USP6: variants seen among roughly 807,000 people sequenced by gnomAD.
The protein encoded by USP6 is ubiquitin specific peptidase 6.
Under a neutral mutation model 175.7 loss-of-function variants are expected in USP6, and 128 were observed. The ratio of observed to expected loss-of-function variants is 0.73; its 90% CI spans 0.63 to 0.84. The LOEUF (loss-of-function observed/expected upper bound fraction) is 0.84. Among genes scored for constraint, USP6 ranks in the 40% least tolerant of loss-of-function variants. The pLI is 0.00. For missense variants in USP6, 1,498 were observed against 1,760.3 expected (o/e 0.85, Z 2.67); for synonymous variants, 562 against 630.6 (o/e 0.89, Z 1.63).
In USP6 at chr17:5,173,001, C is replaced by T. The variant is rs776811066; in HGVS notation, c.*23C>T. On this transcript the variant is annotated 3_prime_UTR_variant, in exon 38 of 38. Coordinates refer to ENST00000574788, the MANE Select transcript of USP6 (RefSeq NM_001304284.2). Reference sequence around the variant, plus strand: ...TAAAGCTACCACTCTGGCTGCTAGACAGCTTGGTGGCGAGGGAGATGACTC... The same window carrying T: ...TAAAGCTACCACTCTGGCTGCTAGATAGCTTGGTGGCGAGGGAGATGACTC... The T allele has an allele frequency of 1.5e-5, 24 of 1,609,864 alleles. 1 individual carries two copies. Among genetic ancestry groups the T allele is most frequent in the African/African-American group, 6.7e-5 (5 of 74,868 alleles).
intron 4 of USP6, among the ~76,000 whole-genome samples, chr17:5,122,695 C>T (rs2072725817): frequency 6.6e-6 from 1 of 152,164 alleles, no homozygotes; most frequent in Non-Finnish European, 1.5e-5. Context: ...AGCAGCTGCC[C>T]GCGCCTAAGC....
At chr17:5,171,740 T>G in intron 37 of USP6, 61 bp downstream of exon 37, 2 of 1,530,410 alleles carry the variant, frequency 1.3e-6, no homozygotes, top group Non-Finnish European at 1.8e-6. Context: ...GAACATTTGT[T>G]GAAATAATGG....
chr17:5,171,355 ATAATAG>A (rs1345580004), intron 36 of USP6, among the ~76,000 whole-genome samples: 1 of 152,258 alleles, frequency 6.6e-6, no homozygotes, highest in African/African-American at 2.4e-5. Context: ...AATAATAATA[ATAATAG>A]TAATTACAAT....
chr17:5,117,202 AC>A (rs2072556997), intron 1 of USP6, among the ~76,000 whole-genome samples: 2 of 152,122 alleles, frequency 1.3e-5, no homozygotes, highest in Admixed American at 1.3e-4. Context: ...GCTTTGTAGC[AC>A]CCGCTGCTTA....
chr17:5,173,501 T>C lies in USP6; in HGVS notation c.*523T>C, dbSNP rs1396078205. The C allele has an allele frequency of 4.5e-6, 1 of 220,300 alleles. No individual in the cohort carries two copies. Among genetic ancestry groups the C allele is most frequent in the Non-Finnish European group, 9.1e-6 (1 of 109,698 alleles). The allele number at this position is 220,300 out of a possible 1,614,324, so 13.6% of individuals were successfully genotyped here. Reference sequence around the variant, plus strand: ...GCATGGACAAGGATTTTTCAATTTATTTTTTAAACTGTTTCCATACCCTTT... The same window carrying C: ...GCATGGACAAGGATTTTTCAATTTACTTTTTAAACTGTTTCCATACCCTTT... On this transcript the variant is annotated 3_prime_UTR_variant, in exon 38 of 38. Coordinates refer to ENST00000574788, the MANE Select transcript of USP6 (RefSeq NM_001304284.2).
rs111629611 is a variant in USP6 at position 5,125,573 on chromosome 17, T to C, written c.-591-248T>C. On this transcript the variant is annotated intron_variant, in intron 5 of 37. Transcript: ENST00000574788. Reference sequence around the variant, plus strand: ...CTCTCTTGCTGTGGTCCAAGGAATCTTAGGCATTCTATCAGAAAGACTTAC... The same window carrying C: ...CTCTCTTGCTGTGGTCCAAGGAATCCTAGGCATTCTATCAGAAAGACTTAC... Among the ~76,000 whole-genome samples, 511 of 152,152 alleles carry C rather than the reference T, an allele frequency of 3.4e-3. 4 individuals are homozygous for C. The highest frequency in any genetic ancestry group is 0.012 in the African/African-American group (487 of 41,474).
Position 5,170,495 on chromosome 17 carries a change from A to C in USP6, c.3534A>C (p.Ser1178=). ...SSSPKGSPSS[S]RKSGTSCPSS... ...TGTTCACAGGTTCTCCTTCTTCATC[A>C]AGAAAAAGTGGAACCAGCTGTCCCT... The change falls in exon 36 of 38, where the codon TCA becomes TCC. Residue 1178 remains serine, a synonymous_variant. Transcript: ENST00000574788. The C allele has an allele frequency of 1.9e-6, 3 of 1,609,200 alleles. No individual in the cohort carries two copies. The highest frequency in any genetic ancestry group is 2.5e-6 in the Non-Finnish European group (3 of 1,178,240).
chr17:5,137,045 G>A, intron 18 of USP6, 76 bp from the exon 19 acceptor site: 1 of 1,481,416 alleles, frequency 6.8e-7, no homozygotes, highest in Non-Finnish European at 9.4e-7. Flanking sequence ...TAGGGGAAAG[G>A]TCTTCAGAGG....
chr17:5,127,055 T>C (rs967198434), intron 6 of USP6: 11 of 150,498 alleles, frequency 7.3e-5, no homozygotes, highest in Admixed American at 5.3e-4. Flanking sequence ...GGGGTGGGAA[T>C]GGGGATGGGA....
intron 17 of USP6, 79 bp from the exon 18 acceptor site, chr17:5,136,561 A>G (rs1383416106): frequency 1.9e-6 from 3 of 1,552,054 alleles, no homozygotes; most frequent in South Asian, 1.1e-5. Flanking sequence ...GGGCCTCTGC[A>G]GCTGCCCAGC....
intron 33 of USP6, 28 bp from the exon 34 acceptor site, chr17:5,167,904 C>G: frequency 1.3e-6 from 2 of 1,596,616 alleles, no homozygotes; most frequent in Non-Finnish European, 1.7e-6. Context: ...CCCACACACC[C>G]CTTTCCTCCT....
At chr17:5,122,142 C>T (rs563521822) in intron 4 of USP6, among the ~76,000 whole-genome samples, 2 of 138,814 alleles carry the variant, frequency 1.4e-5, no homozygotes, top group African/African-American at 5.5e-5. Context: ...GAGGGTGGGT[C>T]GGTGGGGTGG....
At chr17:5,123,650 G>A (rs2072784101) in intron 4 of USP6, among the ~76,000 whole-genome samples, 1 of 152,184 alleles carries the variant, frequency 6.6e-6, no homozygotes, top group South Asian at 2.1e-4. Context: ...ACAGGGACCC[G>A]CAGAACGCAT....
At chr17:5,145,758 T>G (rs1230860985) in intron 27 of USP6, among the ~76,000 whole-genome samples, 179 bp downstream of exon 27, 1 of 152,092 alleles carries the variant, frequency 6.6e-6, no homozygotes. Flanking sequence ...TGGGGCATGT[T>G]TTTTTGGTTT....
chr17:5,168,596 T>C (rs1369516593), intron 34 of USP6, among the ~76,000 whole-genome samples, 171 bp from the exon 35 acceptor site: 2 of 152,246 alleles, frequency 1.3e-5, no homozygotes, highest in Admixed American at 1.3e-4. Flanking sequence ...CACTAGGGCC[T>C]GTGTAGAGGC....
chr17:5,142,278 G>A (rs1363804294), intron 24 of USP6, 119 bp from the exon 25 acceptor site: 1 of 1,539,810 alleles, frequency 6.5e-7, no homozygotes, highest in African/African-American at 1.4e-5. Context: ...ATAGGCCAAG[G>A]AATACATCTC....
chr17:5,134,401 G>A (rs1598005409), intron 15 of USP6: 1 of 239,104 alleles, frequency 4.2e-6, no homozygotes. Flanking sequence ...AGGTCTGCTG[G>A]GAACATGACA....
chr17:5,169,399 G>C (rs1221311663), intron 35 of USP6, among the ~76,000 whole-genome samples: 1 of 151,908 alleles, frequency 6.6e-6, no homozygotes, highest in Non-Finnish European at 1.5e-5. Context: ...TCTTTCAGGG[G>C]GTCTAGAGGA....
chr17:5,148,216 C>T (rs3930856), intron 29 of USP6, among the ~76,000 whole-genome samples: 3 of 112,718 alleles, frequency 2.7e-5, no homozygotes, highest in African/African-American at 8.2e-5. Flanking sequence ...GTAGAGGTTA[C>T]TGTATTGGAC....
Sources: allele counts gnomAD v4.1 joint callset (sites outside exome capture counted in the v4.1 genomes callset), GRCh38; gene constraint gnomAD v4.1.1; transcripts MANE v1.5; gene names NCBI Gene and HGNC (gene_info 2026-07-23, HGNC 2026-07-21).